The following FTO variants were observed in gnomAD, a reference collection of about 807,000 sequenced individuals.
FTO encodes FTO alpha-ketoglutarate dependent dioxygenase.
Under a neutral mutation model 63.9 loss-of-function variants are expected in FTO, and 47 were observed. The observed-to-expected ratio is 0.74, with a 90% CI of 0.58 to 0.94. The LOEUF is 0.94. FTO is among the 40% of genes least tolerant of loss of function. The pLI is 0.00. For synonymous variants in FTO, 207 were observed against 224.4 expected (o/e 0.92, Z 0.69); for missense variants, 562 against 618.1 (o/e 0.91, Z 0.96).
intron 8 of FTO, among the ~76,000 whole-genome samples, chr16:53,939,062 C>A (rs1269941831): frequency 6.6e-6 from 1 of 152,144 alleles, no homozygotes; most frequent in Non-Finnish European, 1.5e-5. Context: ...GACGCCACTG[C>A]ACTCCAGCCT....
chr16:54,066,202 T>G (rs951255541), intron 8 of FTO, among the ~76,000 whole-genome samples: 11 of 152,080 alleles, frequency 7.2e-5, no homozygotes, highest in Non-Finnish European at 1.2e-4. Flanking sequence ...TCATATGCAT[T>G]GTTTTCCTGG....
chr16:54,097,446 T>G (rs749112254), intron 8 of FTO, among the ~76,000 whole-genome samples: 5 of 152,128 alleles, frequency 3.3e-5, no homozygotes, highest in Non-Finnish European at 5.9e-5. Flanking sequence ...GCTCAAGTGA[T>G]CCTCCTGCCT....
intron 1 of FTO, among the ~76,000 whole-genome samples, chr16:53,761,298 T>A (rs1271623899): frequency 6.6e-6 from 1 of 151,370 alleles, no homozygotes. Flanking sequence ...GATGGCACCT[T>A]ATTATGTTTC....
chr16:53,766,671 G>A (rs1021131781), intron 1 of FTO, among the ~76,000 whole-genome samples: 1 of 152,208 alleles, frequency 6.6e-6, no homozygotes, highest in African/African-American at 2.4e-5. Context: ...TGTGGAGAGG[G>A]AATCCGAAGG....
chr16:54,093,512 C>T (rs1170808283), intron 8 of FTO, among the ~76,000 whole-genome samples: 2 of 152,204 alleles, frequency 1.3e-5, no homozygotes, highest in Non-Finnish European at 2.9e-5. Flanking sequence ...TCCTGACTCA[C>T]CGCCGAGCTC....
In FTO at chr16:54,114,974, A is replaced by T. The variant is rs1350699172; in HGVS notation, c.*3059A>T. The T allele has an allele frequency of 1.4e-4, 21 of 152,004 alleles. No individual in the cohort carries two copies. The highest frequency in any genetic ancestry group is 1.4e-3 in the Admixed American group (21 of 15,276). 9.4% of individuals were successfully genotyped at this position (152,004 alleles called of 1,614,324 possible). On this transcript the variant is annotated 3_prime_UTR_variant, in exon 9 of 9. Coordinates refer to ENST00000471389, the MANE Select transcript of FTO (RefSeq NM_001080432.3). The stretch of plus-strand genomic sequence containing the variant: ...TCCAGGGAGGTTTCAGGTGGGTAGA[A>T]GGAGGTGGGCAAGACCCAATAAAAA...
intron 8 of FTO, among the ~76,000 whole-genome samples, chr16:54,076,258 G>A (rs768631704): frequency 3.4e-4 from 52 of 152,220 alleles, no homozygotes; most frequent in Non-Finnish European, 5.6e-4. Context: ...TGTTTGTTAG[G>A]TAACTAAAAA....
At chr16:54,001,207 T>C (rs900912564) in intron 8 of FTO, among the ~76,000 whole-genome samples, 1 of 152,214 alleles carries the variant, frequency 6.6e-6, no homozygotes, top group Non-Finnish European at 1.5e-5. Flanking sequence ...ATTATACATA[T>C]TTTTAACTAG....
intron 8 of FTO, among the ~76,000 whole-genome samples, chr16:54,063,272 A>G (rs2085631761): frequency 6.6e-6 from 1 of 152,194 alleles, no homozygotes; most frequent in South Asian, 2.1e-4. Context: ...TGTTGGTGGC[A>G]CCAGGCAAGG....
intron 1 of FTO, among the ~76,000 whole-genome samples, chr16:53,742,924 C>T (rs1227782511): frequency 6.6e-6 from 1 of 152,130 alleles, no homozygotes; most frequent in African/African-American, 2.4e-5. Context: ...ACTGGAGCCC[C>T]TGGTCTCTTC....
At chr16:53,883,414 A>G (rs1357835464) in intron 6 of FTO, among the ~76,000 whole-genome samples, 2 of 152,124 alleles carry the variant, frequency 1.3e-5, no homozygotes, top group Non-Finnish European at 2.9e-5. Context: ...TGAGGTCAGG[A>G]GTTCGAGACC....
chr16:53,938,844 C>A (rs1172833641), intron 8 of FTO, among the ~76,000 whole-genome samples: 1 of 151,922 alleles, frequency 6.6e-6, no homozygotes, highest in Non-Finnish European at 1.5e-5. Flanking sequence ...AATCCCAGCA[C>A]TTTGGGAGGC....
At chr16:53,954,742 G>A (rs941201366) in intron 8 of FTO, among the ~76,000 whole-genome samples, 6 of 152,020 alleles carry the variant, frequency 3.9e-5, no homozygotes, top group Non-Finnish European at 8.8e-5. Context: ...GAGCCCATGG[G>A]CTGTTGAGCC....
intron 8 of FTO, among the ~76,000 whole-genome samples, chr16:54,007,193 T>C (rs1383911485): frequency 1.3e-5 from 2 of 152,150 alleles, no homozygotes; most frequent in Non-Finnish European, 2.9e-5. Flanking sequence ...AGAATGGTCG[T>C]ATAACCTAAT....
chr16:53,922,758 C>G (rs1311916251), intron 7 of FTO, among the ~76,000 whole-genome samples: 3 of 152,160 alleles, frequency 2.0e-5, no homozygotes, highest in African/African-American at 4.8e-5. Context: ...TGGAATGTCA[C>G]CCAGAACCAA....
chr16:53,888,858 T>C lies in FTO; in HGVS notation c.1146T>C (p.Phe382=). 1 of 1,614,052 alleles carries C rather than the reference T, an allele frequency of 6.2e-7. No individual in the cohort carries two copies. ...TCGAGTTTGAGTGGCTGAGGCAGTT[T>C]TGGTTTCAAGGCAATCGATACAGAA... ...NEVEFEWLRQ[F]WFQGNRYRKC... is the part of the protein sequence containing the mutation. The change falls in exon 7 of 9, where the codon TTT becomes TTC. Residue 382 remains phenylalanine (F), a synonymous_variant. Coordinates refer to ENST00000471389, the MANE Select transcript of FTO (RefSeq NM_001080432.3).
intron 6 of FTO, among the ~76,000 whole-genome samples, chr16:53,882,988 A>C (rs183418153): frequency 9.2e-5 from 14 of 152,184 alleles, no homozygotes; most frequent in Admixed American, 8.5e-4. Context: ...TTTCTCTCTT[A>C]TTAGTCCCTG....
chr16:53,890,296 G>GT (rs2081112977), intron 7 of FTO, among the ~76,000 whole-genome samples: 2 of 152,062 alleles, frequency 1.3e-5, no homozygotes, highest in South Asian at 4.1e-4. Context: ...AAAGCTGTAC[G>GT]TATTTAATGT....
intron 4 of FTO, among the ~76,000 whole-genome samples, chr16:53,851,265 T>C (rs996235674): frequency 7.3e-6 from 1 of 137,178 alleles, no homozygotes; most frequent in African/African-American, 2.8e-5. Flanking sequence ...CTGGCCAACA[T>C]GGTGATACCC....
Sources: gnomAD v4.1 joint callset for allele counts (sites outside exome capture counted in the v4.1 genomes callset) on GRCh38, gnomAD v4.1.1 for gene constraint, MANE v1.5 for transcripts, NCBI Gene and HGNC (gene_info 2026-07-23, HGNC 2026-07-21) for gene names.